The following AGPAT3 variants were observed in gnomAD, a reference collection of about 807,000 sequenced individuals.
The protein encoded by AGPAT3 is 1-acyl-sn-glycerol-3-phosphate acyltransferase gamma.
Under a neutral mutation model 47.3 loss-of-function variants are expected in AGPAT3, and 5 were observed. The observed-to-expected ratio is 0.11, with a 90% confidence interval of 0.06 to 0.22. AGPAT3 has a LOEUF of 0.22. AGPAT3 is among the 10% of genes least tolerant of loss of function. The probability of loss-of-function intolerance (pLI) is 1.00; values close to 1 mark genes in which losing one functional copy is unlikely to be tolerated. For missense variants in AGPAT3, 315 were observed against 493.0 expected (o/e 0.64, Z 3.42); for synonymous variants, 212 against 208.3 (o/e 1.02, Z -0.15).
At chr21:43,941,763 T>G (rs1260838747) in intron 2 of AGPAT3, among the ~76,000 whole-genome samples, 1 of 152,256 alleles carries the variant, frequency 6.6e-6, no homozygotes, top group Non-Finnish European at 1.5e-5. Context: ...CTCTGGCAGC[T>G]TCCACGGACC....
Position 43,922,200 on chromosome 21 carries a change from G to A in AGPAT3, c.-49+18181G>A, listed in dbSNP as rs1569065776. On this transcript the variant is annotated intron_variant, in intron 2 of 9. Transcript: ENST00000291572. The surrounding 1 kb of genome is among the most constrained non-coding windows in gnomAD (Gnocchi z 4.9). The stretch of plus-strand genomic sequence containing the variant: ...CTTGTGGGGGAGTCGCACAGAGCAC[G>A]TGTGTGATGCATTTATCAGGGCCTT... Among the ~76,000 whole-genome samples, 1 of 152,146 alleles carries A rather than the reference G, an allele frequency of 6.6e-6. No homozygotes were observed. Among genetic ancestry groups the A allele is most frequent in the Non-Finnish European group, 1.5e-5 (1 of 68,034 alleles).
chr21:43,907,866 ACC>A (rs1456451881), intron 2 of AGPAT3, among the ~76,000 whole-genome samples: 1 of 152,192 alleles, frequency 6.6e-6, no homozygotes, highest in African/African-American at 2.4e-5. Context: ...AACCCAGCAG[ACC>A]GATACCATGT....
At chr21:43,873,735 A>G (rs1321722734) in intron 1 of AGPAT3, among the ~76,000 whole-genome samples, 2 of 152,108 alleles carry the variant, frequency 1.3e-5, no homozygotes, top group African/African-American at 4.8e-5. Flanking sequence ...TTAAATCTCT[A>G]CTATATCTGA....
intron 1 of AGPAT3, among the ~76,000 whole-genome samples, chr21:43,881,291 G>C (rs1409292739): frequency 6.6e-6 from 1 of 152,202 alleles, no homozygotes; most frequent in South Asian, 2.1e-4. Context: ...TTGAACCCCT[G>C]CACCTGCCTC....
intron 2 of AGPAT3, among the ~76,000 whole-genome samples, chr21:43,914,793 C>T (rs185496700): frequency 8.5e-5 from 13 of 152,290 alleles, no homozygotes; most frequent in African/African-American, 2.2e-4. Flanking sequence ...CCTCACAGCT[C>T]GGCCTCCCAA....
chr21:43,963,970 A>G (rs2089003958), intron 3 of AGPAT3, among the ~76,000 whole-genome samples: 2 of 152,208 alleles, frequency 1.3e-5, no homozygotes, highest in Admixed American at 1.3e-4. Flanking sequence ...TCTTCACTTC[A>G]ATATTTTTTA....
At chr21:43,896,620 T>A (rs893346602) in intron 1 of AGPAT3, among the ~76,000 whole-genome samples, 10 of 152,278 alleles carry the variant, frequency 6.6e-5, no homozygotes, top group Non-Finnish European at 1.3e-4. Flanking sequence ...ATTTGTCTAT[T>A]TTGTCTAGCA....
intron 1 of AGPAT3, among the ~76,000 whole-genome samples, chr21:43,881,394 G>T (rs1170574228): frequency 6.6e-6 from 1 of 152,226 alleles, no homozygotes; most frequent in Non-Finnish European, 1.5e-5. Flanking sequence ...GACAGAAAAG[G>T]GAGGTGGGAA....
At chr21:43,866,120 GTTTTTTTTT>G (rs751185123) in intron 1 of AGPAT3, among the ~76,000 whole-genome samples, 3 of 132,410 alleles carry the variant, frequency 2.3e-5, no homozygotes, top group Non-Finnish European at 4.8e-5. Flanking sequence ...ATGGTGCAGT[GTTTTTTTTT>G]TTTTTTTTAA....
At chr21:43,896,298 A>C (rs1490514094) in intron 1 of AGPAT3, among the ~76,000 whole-genome samples, 2 of 152,186 alleles carry the variant, frequency 1.3e-5, no homozygotes, top group Non-Finnish European at 2.9e-5. Flanking sequence ...TGTGGGGTGA[A>C]GGAATCTGCT....
At chr21:43,898,733 G>A (rs1353835010) in intron 1 of AGPAT3, among the ~76,000 whole-genome samples, 1 of 152,132 alleles carries the variant, frequency 6.6e-6, no homozygotes. Flanking sequence ...CTCCATGTTG[G>A]CCAGGCTGAT....
chr21:43,968,780 C>A (rs995966682), intron 4 of AGPAT3, among the ~76,000 whole-genome samples: 1 of 152,142 alleles, frequency 6.6e-6, no homozygotes, highest in Non-Finnish European at 1.5e-5. Context: ...ACCTAAACTA[C>A]TCCCCGATGC....
chr21:43,947,534 G>A (rs549417660), intron 2 of AGPAT3, among the ~76,000 whole-genome samples: 5 of 152,310 alleles, frequency 3.3e-5, no homozygotes, highest in East Asian at 3.9e-4. Context: ...TCTCGGGCCC[G>A]TCCAGTGTCT....
At chr21:43,903,609 G>A (rs973142871) in intron 1 of AGPAT3, among the ~76,000 whole-genome samples, 2 of 152,186 alleles carry the variant, frequency 1.3e-5, no homozygotes, top group Non-Finnish European at 1.5e-5. Context: ...ATCCGGAGGG[G>A]CCCATGGTGG....
rs369924470 is a variant in AGPAT3, at chr21:43,894,395, A to ATT, written c.-111-9551_-111-9550dup. On this transcript the variant is annotated intron_variant, in intron 1 of 9. Coordinates refer to ENST00000291572, the MANE Select transcript of AGPAT3 (RefSeq NM_020132.5). ...GATTATGGTATTCTTTGGGTTTTCT[A>ATT]TTTTTTTTTTTTGGTAACAGCTTTG... Among the ~76,000 whole-genome samples, 1,000 of 137,094 alleles carry ATT rather than the reference A, an allele frequency of 7.3e-3. 8 individuals carry two copies. Among genetic ancestry groups the ATT allele is most frequent in the African/African-American group, 0.024 (914 of 38,462 alleles). 89.9% of individuals were successfully genotyped at this position (137,094 alleles called of 152,430 possible). A position where few individuals can be genotyped will look rare whatever the true frequency, so the allele number is the denominator to read the frequency against.
At chr21:43,945,300 GAC>G (rs1444033184) in intron 2 of AGPAT3, among the ~76,000 whole-genome samples, 1 of 152,162 alleles carries the variant, frequency 6.6e-6, no homozygotes, top group Non-Finnish European at 1.5e-5. Flanking sequence ...TTTCAGGAGA[GAC>G]ACACAGCCCA....
chr21:43,918,936 T>C (rs1011369127), intron 2 of AGPAT3, among the ~76,000 whole-genome samples: 2 of 152,210 alleles, frequency 1.3e-5, no homozygotes, highest in Admixed American at 6.5e-5. Context: ...TAACTTTTTT[T>C]TCTTTTTTTG....
At chr21:43,975,125 G>A (rs1356293587) in intron 7 of AGPAT3, among the ~76,000 whole-genome samples, 1 of 152,010 alleles carries the variant, frequency 6.6e-6, no homozygotes, top group Non-Finnish European at 1.5e-5. Flanking sequence ...GGTGTGTAGT[G>A]TGTGCTGGCA....
chr21:43,962,126 G>A (rs1003297712), intron 3 of AGPAT3, among the ~76,000 whole-genome samples: 8 of 151,292 alleles, frequency 5.3e-5, no homozygotes, highest in South Asian at 4.2e-4. Flanking sequence ...TCAGCCTCCC[G>A]AGTAGCTGGG....
Sources: allele counts gnomAD v4.1 joint callset (sites outside exome capture counted in the v4.1 genomes callset), GRCh38; gene constraint gnomAD v4.1.1; non-coding constraint Gnocchi (gnomAD v3.1); transcripts MANE v1.5; gene names NCBI Gene and HGNC (gene_info 2026-07-23, HGNC 2026-07-21).